Variants in MLXIP observed in about 807,000 individuals in gnomAD.
MLXIP encodes MLX-interacting protein.
A neutral mutation model predicts 87.2 loss-of-function variants in MLXIP; 30 were observed. That is an observed-to-expected ratio of 0.34 (90% CI 0.26 to 0.47). The LOEUF is 0.47. MLXIP is among the 20% of genes least tolerant of loss of function. The pLI is 1.00. For missense variants in MLXIP, 1,002 were observed against 1,240.1 expected (o/e 0.81, Z 2.88); for synonymous variants, 530 against 514.0 (o/e 1.03, Z -0.42).
At chr12:122,129,802 G>A (rs1263346285) in intron 5 of MLXIP, 139 bp from the exon 6 acceptor site, 8 of 1,293,802 alleles carry the variant, frequency 6.2e-6, no homozygotes, top group East Asian at 2.5e-5. Flanking sequence ...GGAGGGAGCC[G>A]CTCTCCAAAT....
At chr12:122,139,403 G>T (rs1448460949) in intron 15 of MLXIP, among the ~76,000 whole-genome samples, 2 of 152,194 alleles carry the variant, frequency 1.3e-5, no homozygotes, top group Non-Finnish European at 2.9e-5. Context: ...ACCTCTAGGG[G>T]CTCTCGTGCC....
At chr12:122,120,804 C>T (rs941044900) in intron 1 of MLXIP, among the ~76,000 whole-genome samples, 1 of 152,074 alleles carries the variant, frequency 6.6e-6, no homozygotes, top group African/African-American at 2.4e-5. Flanking sequence ...GCAGCACTCA[C>T]TGTGAGATGC....
At position 122,133,132 on chromosome 12, in the gene MLXIP, G is replaced by A. The variant is rs1029791462; in HGVS notation, c.1093-216G>A. On this transcript the variant is annotated intron_variant, in intron 8 of 16. Coordinates refer to ENST00000319080, the MANE Select transcript of MLXIP (RefSeq NM_014938.6). This position sits in a 1 kb window ranked among gnomAD's most constrained non-coding sequence, Gnocchi z 4.9. ...GTGTGAGGGCCGTTGCCTTATCTGA[G>A]CTCTGAGTTATTTAGTTTTTAATGG... 3.0e-5 allele frequency: 15 copies of A among 499,694 alleles called. No individual in the cohort carries two copies. The highest frequency in any genetic ancestry group is 2.7e-4 in the African/African-American group (14 of 51,348). The allele number at this position is 499,694 out of a possible 1,614,324, so 31.0% of individuals were successfully genotyped here. A position where few individuals can be genotyped will look rare whatever the true frequency, so the allele number is the denominator to read the frequency against.
At chr12:122,092,968 G>C (rs1273574373) in intron 1 of MLXIP, among the ~76,000 whole-genome samples, 1 of 144,852 alleles carries the variant, frequency 6.9e-6, no homozygotes, top group African/African-American at 2.6e-5. Context: ...GGGGTGTGTG[G>C]TGTGGGTATG....
intron 1 of MLXIP, among the ~76,000 whole-genome samples, chr12:122,084,932 A>G (rs1952144054): frequency 6.6e-6 from 1 of 152,112 alleles, no homozygotes; most frequent in Non-Finnish European, 1.5e-5. Context: ...TAAATAAGTA[A>G]ATAAAAAATA....
intron 1 of MLXIP, among the ~76,000 whole-genome samples, chr12:122,081,760 T>C (rs1952094562): frequency 6.6e-6 from 1 of 152,218 alleles, no homozygotes; most frequent in African/African-American, 2.4e-5. Context: ...GGTTCATGCC[T>C]TCCCTGCCGG....
In MLXIP at chr12:122,107,942, G is replaced by A. The variant is rs1339379683; in HGVS notation, c.414-19314G>A. ...CACTGCCCTCTCTGGCTCTCCCCTG[G>A]CCGGCGGTGACTAGGTGGTAATAAA... is the stretch of plus-strand genomic sequence containing the variant. On this transcript the variant is annotated intron_variant, in intron 1 of 16. Transcript: ENST00000319080. Among the ~76,000 whole-genome samples, 4 of 152,156 alleles carry A rather than the reference G, an allele frequency of 2.6e-5. No homozygotes were observed. The South Asian group carries it at 6.2e-4, about 24-fold the overall frequency.
intron 1 of MLXIP, among the ~76,000 whole-genome samples, chr12:122,083,029 A>G (rs1001372515): frequency 3.9e-5 from 6 of 152,152 alleles, no homozygotes; most frequent in African/African-American, 1.4e-4. Flanking sequence ...TATGCTTCTC[A>G]GGATGGTCTT....
rs895819550 is a variant in MLXIP at position 122,141,885 on chromosome 12, C to T, written c.*73C>T. 3.0e-5 allele frequency: 47 copies of T among 1,576,808 alleles called. No homozygotes were observed. The highest frequency in any genetic ancestry group is 1.9e-4 in the Admixed American group (11 of 57,464). ...TGCCCATGGAGAGTAGGCTGCGCCC[C>T]CCAGCCCTTCCTGACGCTCAGCCTC... On this transcript the variant is annotated 3_prime_UTR_variant, in exon 17 of 17. Coordinates refer to ENST00000319080, the MANE Select transcript of MLXIP (RefSeq NM_014938.6).
chr12:122,143,439 A>T lies in MLXIP; in HGVS notation c.*1627A>T, dbSNP rs61952927. 2.0e-5 allele frequency: 3 copies of T among 152,298 alleles called. No homozygotes were observed. The highest frequency in any genetic ancestry group is 4.4e-5 in the Non-Finnish European group (3 of 68,104). 9.4% of individuals were successfully genotyped at this position (152,298 alleles called of 1,614,324 possible). On this transcript the variant is annotated 3_prime_UTR_variant, in exon 17 of 17. Coordinates refer to ENST00000319080, the MANE Select transcript of MLXIP (RefSeq NM_014938.6). ...GAGTACGTGTTTACAGGCTTTCCAG[A>T]TCACCTTCCTGTGGGGTGAACGTAA... is the stretch of plus-strand genomic sequence containing the variant.
chr12:122,142,264 CTCTGG>C lies in MLXIP; in HGVS notation c.*457_*461del. On this transcript the variant is annotated 3_prime_UTR_variant, in exon 17 of 17. Transcript: ENST00000319080. ...CCTCTGCCTGATGCCCTGCTCCACT[CTCTGG>C]TCTGCCCGTGGGGCAGTTGGAAGGC... 1.4e-6 allele frequency: 1 copy of C among 696,262 alleles called. No homozygotes were observed. The highest frequency in any genetic ancestry group is 2.6e-6 in the Non-Finnish European group (1 of 381,368). The allele number at this position is 696,262 out of a possible 1,614,324, so 43.1% of individuals were successfully genotyped here. A position where few individuals can be genotyped will look rare whatever the true frequency, so the allele number is the denominator to read the frequency against.
At chr12:122,086,044 G>T (rs1379339321) in intron 1 of MLXIP, among the ~76,000 whole-genome samples, 5 of 152,214 alleles carry the variant, frequency 3.3e-5, no homozygotes, top group Non-Finnish European at 7.3e-5. Flanking sequence ...GTGAGCAGCA[G>T]AGGAAGGATG....
chr12:122,147,197 C>G lies in MLXIP; in HGVS notation c.*5385C>G, dbSNP rs926082731. 6.6e-6 allele frequency: 1 copy of G among 152,098 alleles called. No homozygotes were observed. The highest frequency in any genetic ancestry group is 2.4e-5 in the African/African-American group (1 of 41,398). The allele number at this position is 152,098 out of a possible 1,614,324, so 9.4% of individuals were successfully genotyped here. ...GAAGAGTCTGGTTTGGCCAGAGGCC[C>G]CCTCCGGTCCACGTCACCCTGAGTA... On this transcript the variant is annotated 3_prime_UTR_variant, in exon 17 of 17. Transcript: ENST00000319080.
At chr12:122,116,102 A>G (rs1323394278) in intron 1 of MLXIP, among the ~76,000 whole-genome samples, 3 of 150,012 alleles carry the variant, frequency 2.0e-5, no homozygotes, top group Admixed American at 1.3e-4. Flanking sequence ...TTGACATTTC[A>G]ATGACTGTAA....
chr12:122,138,692 C>T (rs1431167018), intron 14 of MLXIP, 123 bp from the exon 15 acceptor site: 1 of 1,498,570 alleles, frequency 6.7e-7, no homozygotes, highest in Non-Finnish European at 8.9e-7. Flanking sequence ...AACCTCCTTC[C>T]ACAGACCTCT....
chr12:122,078,810 C>G lies in MLXIP; in HGVS notation c.-44C>G, dbSNP rs1042067007. The stretch of plus-strand genomic sequence containing the variant: ...GCCCCTCTGCCTCGCGCGCTTGTCG[C>G]GTTGCCCCGGGCTCCGGGGGATGCC... On this transcript the variant is annotated 5_prime_UTR_variant, in exon 1 of 17. Transcript: ENST00000319080. 1.9e-6 allele frequency: 2 copies of G among 1,036,050 alleles called. No individual in the cohort carries two copies. The highest frequency in any genetic ancestry group is 1.7e-5 in the African/African-American group (1 of 57,472). The allele number at this position is 1,036,050 out of a possible 1,614,324, so 64.2% of individuals were successfully genotyped here. A position where few individuals can be genotyped will look rare whatever the true frequency, so the allele number is the denominator to read the frequency against.
intron 1 of MLXIP, among the ~76,000 whole-genome samples, chr12:122,107,722 C>T (rs996334832): frequency 2.6e-5 from 4 of 152,270 alleles, no homozygotes; most frequent in Non-Finnish European, 4.4e-5. Flanking sequence ...ACACTGACTG[C>T]CCTCTCCCGG....
chr12:122,120,955 C>T (rs1952769119), intron 1 of MLXIP, among the ~76,000 whole-genome samples: 1 of 150,632 alleles, frequency 6.6e-6, no homozygotes. Flanking sequence ...AATGAATGGG[C>T]TCCACCACTG....
Position 122,132,347 on chromosome 12 carries a change from A to C in MLXIP, c.1056A>C (p.Ser352=). The C allele has an allele frequency of 6.2e-7, 1 of 1,613,242 alleles. No homozygotes were observed. The highest frequency in any genetic ancestry group is 8.5e-7 in the Non-Finnish European group (1 of 1,179,602). ...GCTCCATGCTACCTGCATCTGCCTCAGCACCTGTACCAGATCCCAACAACC... is the reference window on the plus strand; with the variant it reads ...GCTCCATGCTACCTGCATCTGCCTCCGCACCTGTACCAGATCCCAACAACC... ...IFGSMLPASA[S]APVPDPNNPP... is the part of the protein sequence containing the mutation. The change falls in exon 8 of 17, where the codon TCA becomes TCC. Residue 352 remains serine, a synonymous_variant. Coordinates refer to ENST00000319080, the MANE Select transcript of MLXIP (RefSeq NM_014938.6).
Sources: gnomAD v4.1 joint callset for allele counts (sites outside exome capture counted in the v4.1 genomes callset) on GRCh38, gnomAD v4.1.1 for gene constraint, Gnocchi (gnomAD v3.1) non-coding constraint, MANE v1.5 for transcripts, NCBI Gene and HGNC (gene_info 2026-07-23, HGNC 2026-07-21) for gene names.